STK3: variants seen among roughly 807,000 people sequenced by gnomAD.
STK3 encodes serine/threonine kinase 3.
In STK3, 41 loss-of-function variants were observed where a neutral mutation model predicts 58.0. The observed-to-expected ratio is 0.71, with a 90% CI of 0.55 to 0.92. The LOEUF is 0.92. STK3 is among the 40% of genes least tolerant of loss of function. The pLI is 0.00. For synonymous variants in STK3, 170 were observed against 191.0 expected, an observed-to-expected ratio of 0.89 and a Z score of 0.91; for missense variants, 479 against 602.7, an observed-to-expected ratio of 0.79 and a Z score of 2.15.
chr8:98,916,243 G>A lies in STK3; in HGVS notation c.-79+26135C>T, dbSNP rs111652307. ...CAGCCTAGCCAACATGGTGAAACCC[G>A]TCTCTACTAAAAATACAAAAATTAG... On this transcript the variant is annotated intron_variant, in intron 1 of 1. Coordinates refer to the STK3 transcript ENST00000519420. Among the ~76,000 whole-genome samples, 1,183 of 152,136 alleles carry A rather than the reference G, an allele frequency of 7.8e-3. 19 individuals are homozygous for A. The highest frequency in any genetic ancestry group is 0.027 in the African/African-American group (1,125 of 41,514).
At chr8:98,410,426 C>T (rs1250256682) in intron 3 of STK3, among the ~76,000 whole-genome samples, 1 of 152,160 alleles carries the variant, frequency 6.6e-6, no homozygotes, top group African/African-American at 2.4e-5. Context: ...TTGCTCAAAG[C>T]TGTATTTTCA....
At chr8:98,624,405 G>A (rs188875507) in intron 6 of STK3, among the ~76,000 whole-genome samples, 1 of 152,142 alleles carries the variant, frequency 6.6e-6, no homozygotes. Flanking sequence ...TCCTTTTAGA[G>A]TTGTTTTAGA....
intron 2 of STK3, among the ~76,000 whole-genome samples, chr8:98,435,037 C>T (rs933762321): frequency 2.0e-5 from 3 of 152,230 alleles, no homozygotes; most frequent in Admixed American, 1.3e-4. Flanking sequence ...CTGGACTGGC[C>T]CCCATCCCTG....
downstream of STK3, among the ~76,000 whole-genome samples, chr8:98,452,133 A>AT (rs1271983463): frequency 6.6e-6 from 1 of 152,194 alleles, no homozygotes; most frequent in Non-Finnish European, 1.5e-5. Context: ...ATTTGAAAAG[A>AT]TTTCCTGTGA....
chr8:98,618,601 G>T (rs1289318893), intron 6 of STK3, among the ~76,000 whole-genome samples: 16 of 146,288 alleles, frequency 1.1e-4, no homozygotes, highest in African/African-American at 4.1e-4. Flanking sequence ...AAGCTGATAA[G>T]CAACTTCAGC....
intron 6 of STK3, among the ~76,000 whole-genome samples, chr8:98,621,350 G>A (rs1704013363): frequency 6.6e-6 from 1 of 152,094 alleles, no homozygotes; most frequent in Non-Finnish European, 1.5e-5. Context: ...ATCTACAAAA[G>A]GAGATGGTTT....
intron 6 of STK3, among the ~76,000 whole-genome samples, chr8:98,620,569 T>G (rs963992565): frequency 7.3e-6 from 1 of 137,886 alleles, no homozygotes; most frequent in East Asian, 2.3e-4. Flanking sequence ...CTAAACCGAA[T>G]AAAAATGAAA....
chr8:98,799,909 G>C (rs1252366087), intron 1 of STK3, among the ~76,000 whole-genome samples: 2 of 152,178 alleles, frequency 1.3e-5, no homozygotes, highest in Admixed American at 1.3e-4. Context: ...CCGAGGCCTA[G>C]ACCTCCTCAC....
intron 2 of STK3, among the ~76,000 whole-genome samples, chr8:98,377,079 A>T (rs565307453): frequency 1.6e-4 from 25 of 152,260 alleles, no homozygotes; most frequent in African/African-American, 5.8e-4. Context: ...TCTTCCAGAT[A>T]TCTGCTAATG....
At chr8:98,855,866 C>T (rs139680456) in intron 3 of STK3, among the ~76,000 whole-genome samples, 1,581 of 151,864 alleles carry the variant, frequency 0.01, 12 homozygotes, top group Non-Finnish European at 0.015. Context: ...ATTGAAAATA[C>T]AAAAATTAGG....
intron 6 of STK3, among the ~76,000 whole-genome samples, chr8:98,688,085 G>A (rs1824137185): frequency 6.7e-6 from 1 of 148,904 alleles, no homozygotes; most frequent in African/African-American, 2.5e-5. Flanking sequence ...AATGGAGAAA[G>A]ATCAGTTAAA....
rs188287059 is a variant in STK3, at chr8:98,597,533, C to T, written c.685-1364G>A. On this transcript the variant is annotated intron_variant, in intron 6 of 10. Coordinates refer to ENST00000419617, the MANE Select transcript of STK3 (RefSeq NM_006281.4). ...GCATTTCTGTGTGTTCAGAACAATG[C>T]TATAATTTAGAGGTATCAAAACAAA... 4.8e-4 allele frequency: 477 copies of T among 985,302 alleles called. No homozygotes were observed. In the East Asian group the frequency reaches 0.021, roughly 44 times the overall value. 61.0% of individuals were successfully genotyped at this position (985,302 alleles called of 1,614,324 possible).
chr8:98,871,427 C>T (rs951761277), intron 3 of STK3, among the ~76,000 whole-genome samples: 2 of 152,148 alleles, frequency 1.3e-5, no homozygotes, highest in African/African-American at 2.4e-5. Flanking sequence ...TATAAATTTC[C>T]TTGGGCAGTA....
intron 2 of STK3, 131 bp from the exon 3 acceptor site, chr8:98,767,502 T>C (rs1229598374): frequency 2.4e-6 from 2 of 838,880 alleles, no homozygotes; most frequent in East Asian, 3.1e-5. Context: ...AAAATCAAAG[T>C]AAACAAGTAA....
intron 6 of STK3, among the ~76,000 whole-genome samples, chr8:98,698,264 C>A (rs1300087135): frequency 1.3e-5 from 2 of 151,442 alleles, no homozygotes; most frequent in East Asian, 1.9e-4. Flanking sequence ...TGTCTCTGCA[C>A]GTGAGATGGG....
chr8:98,719,104 G>C (rs1266913294), intron 4 of STK3, among the ~76,000 whole-genome samples: 1 of 152,172 alleles, frequency 6.6e-6, no homozygotes, highest in Non-Finnish European at 1.5e-5. Flanking sequence ...ATGTGGGGGA[G>C]TGGGAGGTAG....
At chr8:98,699,422 G>C (rs1351559676) in intron 6 of STK3, among the ~76,000 whole-genome samples, 3 of 152,184 alleles carry the variant, frequency 2.0e-5, no homozygotes, top group Non-Finnish European at 4.4e-5. Context: ...CGTTCCTTTG[G>C]AGGAGGAGAG....
At chr8:98,860,235 T>G (rs574616142) in intron 3 of STK3, among the ~76,000 whole-genome samples, 1 of 152,274 alleles carries the variant, frequency 6.6e-6, no homozygotes, top group African/African-American at 2.4e-5. Context: ...AATAGATAAG[T>G]GCTATGAAGA....
At chr8:98,699,334 G>A (rs1222026204) in intron 6 of STK3, among the ~76,000 whole-genome samples, 1 of 152,166 alleles carries the variant, frequency 6.6e-6, no homozygotes, top group Non-Finnish European at 1.5e-5. Flanking sequence ...GGAGTAGTTT[G>A]ATCGTCTGAA....
Sources: gnomAD v4.1 joint callset for allele counts (sites outside exome capture counted in the v4.1 genomes callset) on GRCh38, gnomAD v4.1.1 for gene constraint, MANE v1.5 for transcripts, NCBI Gene and HGNC (gene_info 2026-07-23, HGNC 2026-07-21) for gene names.